IL1RN: variants seen among roughly 807,000 people sequenced by gnomAD.
The protein encoded by IL1RN is interleukin-1 receptor antagonist protein.
Under a neutral mutation model 13.7 loss-of-function variants are expected in IL1RN, and 10 were observed. The ratio of observed to expected loss-of-function variants is 0.73; its 90% CI spans 0.45 to 1.24. The LOEUF (loss-of-function observed/expected upper bound fraction) is 1.24. Ranked by LOEUF, IL1RN falls within the 50% of genes most tolerant of loss-of-function variation. The pLI is 0.00. For missense variants in IL1RN, 213 were observed against 222.1 expected (o/e 0.96, Z 0.26); for synonymous variants, 102 against 82.7 (o/e 1.23, Z -1.27).
In IL1RN at chr2:113,132,832, C is replaced by T. The variant is rs368843442; in HGVS notation, c.495C>T (p.Gly165=). 5.3e-5 allele frequency: 86 copies of T among 1,614,128 alleles called. 2 individuals are homozygous for T. Among genetic ancestry groups the T allele is most frequent in the South Asian group, 3.0e-4 (27 of 91,092 alleles). The change falls in exon 4 of 4, where the codon GGC becomes GGT. Residue 165 remains glycine, a synonymous_variant. Coordinates refer to ENST00000409930, the MANE Select transcript of IL1RN (RefSeq NM_173842.3). The part of the protein sequence containing the change: ...PVSLTNMPDE[G]VMVTKFYFQE... Reference sequence around the variant, plus strand: ...GCCTCACCAATATGCCTGACGAAGGCGTCATGGTCACCAAATTCTACTTCC... The same window carrying T: ...GCCTCACCAATATGCCTGACGAAGGTGTCATGGTCACCAAATTCTACTTCC...
chr2:113,102,370 T>C (rs1216452308), upstream of IL1RN, among the ~76,000 whole-genome samples: 2 of 152,206 alleles, frequency 1.3e-5, no homozygotes, highest in East Asian at 1.9e-4. Context: ...TACTTTCTTA[T>C]AGGCTCTATC....
intron 2 of IL1RN, among the ~76,000 whole-genome samples, chr2:113,122,500 A>G (rs1187651754): frequency 1.3e-5 from 2 of 152,140 alleles, no homozygotes; most frequent in Non-Finnish European, 2.9e-5. Flanking sequence ...CCGTGGTGGG[A>G]GTATTATGTC....
intron 1 of IL1RN, among the ~76,000 whole-genome samples, chr2:113,128,545 C>T (rs2104453670): frequency 6.6e-6 from 1 of 152,242 alleles, no homozygotes; most frequent in South Asian, 2.1e-4. Flanking sequence ...TAGGTTGCCT[C>T]TCCCTGCTCT....
chr2:113,107,823 G>A (rs1187222620), upstream of IL1RN, among the ~76,000 whole-genome samples: 1 of 152,090 alleles, frequency 6.6e-6, no homozygotes, highest in Non-Finnish European at 1.5e-5. Flanking sequence ...CTTCCTAAAC[G>A]AATATGTAAG....
chr2:113,120,764 G>A (rs1046660683), intron 2 of IL1RN, among the ~76,000 whole-genome samples: 99 of 152,272 alleles, frequency 6.5e-4, no homozygotes, highest in African/African-American at 2.4e-3. Flanking sequence ...CTATGAGATA[G>A]GAGTTCAGCC....
At chr2:113,117,577 A>G (rs1686623457), upstream of IL1RN, 2 of 209,150 alleles carry the variant, frequency 9.6e-6, no homozygotes, top group South Asian at 2.2e-4. Context: ...AATGCCTGGA[A>G]GAGTGCCTGG....
At chr2:113,123,580 A>C (rs1486951123), upstream of IL1RN, among the ~76,000 whole-genome samples, 1 of 152,204 alleles carries the variant, frequency 6.6e-6, no homozygotes, top group Non-Finnish European at 1.5e-5. Flanking sequence ...CAGCAGGAGC[A>C]AAAGTGAACC....
upstream of IL1RN, among the ~76,000 whole-genome samples, chr2:113,108,601 C>T (rs1056179152): frequency 1.2e-4 from 19 of 152,106 alleles, no homozygotes; most frequent in African/African-American, 4.6e-4. Flanking sequence ...CCATCTGTAA[C>T]CTTAATTTCT....
intron 2 of IL1RN, 128 bp from the exon 3 acceptor site, chr2:113,130,917 T>A: frequency 4.2e-6 from 3 of 710,858 alleles, no homozygotes; most frequent in Non-Finnish European, 7.7e-6. Flanking sequence ...AGATGAGACC[T>A]CTCTGCCCTT....
rs1359198270 is a variant in IL1RN, at chr2:113,131,173, G to A, written c.318+16G>A. ...CCAGCTGGAGGTAAAAACATGCTTT[G>A]GATCTCAAATCACCCCAAAACCCAG... is the stretch of plus-strand genomic sequence containing the variant. On this transcript the variant is annotated intron_variant, in intron 3 of 3. Transcript: ENST00000409930. 8 of 1,526,554 alleles carry A rather than the reference G, an allele frequency of 5.2e-6. No homozygotes were observed. The highest frequency in any genetic ancestry group is 7.3e-6 in the Non-Finnish European group (8 of 1,100,038). The allele number at this position is 1,526,554 out of a possible 1,614,324, so 94.6% of individuals were successfully genotyped here.
upstream of IL1RN, among the ~76,000 whole-genome samples, chr2:113,123,522 G>A (rs4251996): frequency 3.4e-3 from 525 of 152,322 alleles, 1 homozygote; most frequent in African/African-American, 0.012. Context: ...CTCAAGTCCT[G>A]CTAGGGTAGA....
At chr2:113,105,143 T>C (rs1006805425), upstream of IL1RN, among the ~76,000 whole-genome samples, 1 of 152,066 alleles carries the variant, frequency 6.6e-6, no homozygotes, top group African/African-American at 2.4e-5. Context: ...TAGAAGCGCA[T>C]TGTGGGTAGA....
At position 113,127,753 on chromosome 2, in the gene IL1RN, C is replaced by A; in HGVS notation, c.116+13C>A. 3 of 1,612,630 alleles carry A rather than the reference C, an allele frequency of 1.9e-6. No individual in the cohort carries two copies. The highest frequency in any genetic ancestry group is 2.5e-6 in the Non-Finnish European group (3 of 1,179,344). The stretch of plus-strand genomic sequence containing the variant: ...TGCAAGCCTTCAGGTAAGGCTACCC[C>A]AAGGAGGAGAAGGTGAGGGTGGATC... On this transcript the variant is annotated intron_variant, in intron 1 of 3. Transcript: ENST00000409930.
At chr2:113,108,470 C>A (rs1440644989), upstream of IL1RN, among the ~76,000 whole-genome samples, 1 of 147,278 alleles carries the variant, frequency 6.8e-6, no homozygotes, top group Non-Finnish European at 1.5e-5. Context: ...CTTATCTTAT[C>A]ACTCTGACCT....
chr2:113,131,814 G>A (rs371670379), intron 3 of IL1RN, among the ~76,000 whole-genome samples: 3 of 152,120 alleles, frequency 2.0e-5, no homozygotes, highest in South Asian at 4.1e-4. Context: ...CCCAGCCCTG[G>A]GAAAACATGG....
chr2:113,129,573 C>A lies in IL1RN; in HGVS notation c.117-3C>A, dbSNP rs762665367. On this transcript the variant is annotated splice_polypyrimidine_tract_variant and splice_region_variant and intron_variant, in intron 1 of 3. Coordinates refer to ENST00000409930, the MANE Select transcript of IL1RN (RefSeq NM_173842.3). The stretch of plus-strand genomic sequence containing the variant: ...ACTACAGCTGAGTCCTTTTCCTTTT[C>A]AGAATCTGGGATGTTAACCAGAAGA... 1.4e-5 allele frequency: 23 copies of A among 1,601,438 alleles called. No homozygotes were observed. Among genetic ancestry groups the A allele is most frequent in the Non-Finnish European group, 2.0e-5 (23 of 1,168,340 alleles).
At chr2:113,115,165 A>G (rs949503727), upstream of IL1RN, among the ~76,000 whole-genome samples, 4 of 152,262 alleles carry the variant, frequency 2.6e-5, no homozygotes, top group Admixed American at 2.0e-4. Flanking sequence ...GATCCCATGT[A>G]TTTTCAAACC....
chr2:113,121,573 G>A, intron 2 of IL1RN: 1 of 985,426 alleles, frequency 1.0e-6, no homozygotes, highest in Non-Finnish European at 1.2e-6. Flanking sequence ...AAACTGCTGG[G>A]GCAAAAATCA....
chr2:113,133,156 C>A lies in IL1RN; in HGVS notation c.*285C>A, dbSNP rs1294465579. On this transcript the variant is annotated 3_prime_UTR_variant, in exon 4 of 4. Transcript: ENST00000409930. ...CTCTGCATTCAGGATCAAACCCCGACCACCTGCCCAACCTGCTCTCCTCTT... is the reference window on the plus strand; with the variant it reads ...CTCTGCATTCAGGATCAAACCCCGAACACCTGCCCAACCTGCTCTCCTCTT... 1.4e-5 allele frequency: 7 copies of A among 492,482 alleles called. No homozygotes were observed. Among genetic ancestry groups the A allele is most frequent in the African/African-American group, 9.7e-5 (5 of 51,300 alleles). 30.5% of individuals were successfully genotyped at this position (492,482 alleles called of 1,614,324 possible).
Sources: allele counts gnomAD v4.1 joint callset (sites outside exome capture counted in the v4.1 genomes callset), GRCh38; gene constraint gnomAD v4.1.1; transcripts MANE v1.5; gene names NCBI Gene and HGNC (gene_info 2026-07-23, HGNC 2026-07-21).